The following GPR137C variants were observed in gnomAD, a reference collection of about 807,000 sequenced individuals.
GPR137C encodes the protein integral membrane protein GPR137C.
GPR137C carries 27 observed loss-of-function variants against 43.4 expected under a neutral mutation model. The ratio of observed to expected loss-of-function variants is 0.62; its 90% CI spans 0.46 to 0.86. The LOEUF is 0.86. Among genes scored for constraint, GPR137C ranks in the 40% least tolerant of loss-of-function variants. The pLI is 0.00. For synonymous variants in GPR137C, 285 were observed against 226.9 expected, an observed-to-expected ratio of 1.26 and a Z score of -2.30; for missense variants, 522 against 534.6, an observed-to-expected ratio of 0.98 and a Z score of 0.23.
At chr14:52,555,370 G>C (rs889721416) in intron 1 of GPR137C, among the ~76,000 whole-genome samples, 6 of 152,058 alleles carry the variant, frequency 3.9e-5, no homozygotes, top group African/African-American at 1.4e-4. Context: ...TTTTATATCT[G>C]TATACACCCA....
intron 1 of GPR137C, among the ~76,000 whole-genome samples, chr14:52,564,178 G>A (rs1023398331): frequency 6.6e-6 from 1 of 151,416 alleles, no homozygotes; most frequent in Non-Finnish European, 1.5e-5. Flanking sequence ...GGGAGGCTGA[G>A]GCAGGAGAAT....
intron 3 of GPR137C, among the ~76,000 whole-genome samples, chr14:52,610,602 C>T (rs937415843): frequency 6.6e-6 from 1 of 152,078 alleles, no homozygotes; most frequent in Non-Finnish European, 1.5e-5. Flanking sequence ...TAGTACATAT[C>T]GGGTTTGGTA....
chr14:52,582,963 G>A (rs560365529), intron 1 of GPR137C, among the ~76,000 whole-genome samples: 1 of 152,066 alleles, frequency 6.6e-6, no homozygotes, highest in East Asian at 1.9e-4. Flanking sequence ...GGATCTGCTA[G>A]TCTGTATATG....
intron 1 of GPR137C, among the ~76,000 whole-genome samples, chr14:52,555,068 T>A (rs1388137859): frequency 6.6e-6 from 1 of 152,098 alleles, no homozygotes; most frequent in Non-Finnish European, 1.5e-5. Context: ...ATACTTAAAC[T>A]GATACATTGT....
intron 4 of GPR137C, 106 bp from the exon 5 acceptor site, chr14:52,633,424 G>T: frequency 5.8e-6 from 5 of 864,932 alleles, no homozygotes; most frequent in Non-Finnish European, 3.6e-6. Context: ...TTATGTGCTT[G>T]TAGTTGATAT....
chr14:52,635,340 A>C lies in GPR137C; in HGVS notation c.*225A>C. 2.6e-6 allele frequency: 1 copy of C among 377,640 alleles called. No homozygotes were observed. Among genetic ancestry groups the C allele is most frequent in the Middle Eastern group, 6.7e-4 (1 of 1,500 alleles). The allele number at this position is 377,640 out of a possible 1,614,324, so 23.4% of individuals were successfully genotyped here. A position where few individuals can be genotyped will look rare whatever the true frequency, so the allele number is the denominator to read the frequency against. On this transcript the variant is annotated 3_prime_UTR_variant, in exon 7 of 7. Coordinates refer to ENST00000321662, the MANE Select transcript of GPR137C (RefSeq NM_001099652.2). ...TAGGAGAAAAGAGAGATTAGATCTT[A>C]AGGCACTTGATGGCCTCCAAAAATC...
chr14:52,620,648 A>G (rs1025867498), intron 3 of GPR137C, among the ~76,000 whole-genome samples: 2 of 151,990 alleles, frequency 1.3e-5, no homozygotes, highest in African/African-American at 4.8e-5. Flanking sequence ...TTTATCAGAC[A>G]AAGCATTTAT....
chr14:52,613,774 C>G, intron 3 of GPR137C: 1 of 192,350 alleles, frequency 5.2e-6, no homozygotes, highest in Non-Finnish European at 1.1e-5. Flanking sequence ...AGGTTGCTTG[C>G]AAATCTTGGC....
chr14:52,555,040 A>G (rs1252045464), intron 1 of GPR137C, among the ~76,000 whole-genome samples: 8 of 152,002 alleles, frequency 5.3e-5, no homozygotes, highest in East Asian at 3.9e-4. Context: ...TTAAGCTGTT[A>G]TAACACTTCT....
At chr14:52,626,518 G>A (rs1170649299) in intron 3 of GPR137C, among the ~76,000 whole-genome samples, 11 of 150,918 alleles carry the variant, frequency 7.3e-5, no homozygotes. Context: ...ATCATAAAAG[G>A]CATCTACTAA....
chr14:52,621,616 A>G (rs998382185), intron 3 of GPR137C, among the ~76,000 whole-genome samples: 2 of 151,902 alleles, frequency 1.3e-5, no homozygotes, highest in African/African-American at 4.8e-5. Flanking sequence ...TGTATTATAT[A>G]TAACAACCAT....
intron 3 of GPR137C, among the ~76,000 whole-genome samples, chr14:52,618,421 T>G (rs962203215): frequency 3.3e-5 from 5 of 152,176 alleles, no homozygotes; most frequent in African/African-American, 1.2e-4. Context: ...CCTCACTAAC[T>G]TAGGCAAAGT....
At chr14:52,612,419 T>C (rs2139552099) in intron 3 of GPR137C, 2 of 981,144 alleles carry the variant, frequency 2.0e-6, no homozygotes, top group East Asian at 2.3e-4. Flanking sequence ...TCAGCCTCCA[T>C]AATGTTAATT....
intron 1 of GPR137C, among the ~76,000 whole-genome samples, chr14:52,570,217 C>A (rs1394476931): frequency 5.9e-5 from 9 of 152,142 alleles, no homozygotes; most frequent in Non-Finnish European, 1.2e-4. Context: ...AAAGAATTTT[C>A]AACCCAGAAT....
intron 1 of GPR137C, among the ~76,000 whole-genome samples, chr14:52,562,144 G>C (rs536159536): frequency 6.6e-6 from 1 of 151,634 alleles, no homozygotes; most frequent in Non-Finnish European, 1.5e-5. Flanking sequence ...CAAAGGAGAT[G>C]AATCTTAAGA....
intron 3 of GPR137C, among the ~76,000 whole-genome samples, chr14:52,625,680 G>A (rs182071728): frequency 1.2e-3 from 182 of 150,102 alleles, no homozygotes; most frequent in Middle Eastern, 3.4e-3. Flanking sequence ...TCAGCCTCCC[G>A]AGCAGCTGGG....
chr14:52,558,779 A>G (rs375736288), intron 1 of GPR137C, among the ~76,000 whole-genome samples: 12 of 152,246 alleles, frequency 7.9e-5, no homozygotes, highest in African/African-American at 2.7e-4. Flanking sequence ...AAAAAATTAA[A>G]AACTGAAATG....
At chr14:52,598,976 A>G (rs1054961112) in intron 2 of GPR137C, among the ~76,000 whole-genome samples, 1 of 152,240 alleles carries the variant, frequency 6.6e-6, no homozygotes, top group Non-Finnish European at 1.5e-5. Context: ...TACAGATTGC[A>G]CATTACCTTC....
intron 1 of GPR137C, among the ~76,000 whole-genome samples, chr14:52,590,183 T>C (rs757031107): frequency 2.2e-4 from 33 of 152,078 alleles, no homozygotes; most frequent in Non-Finnish European, 3.7e-4. Context: ...CTAATGGGTG[T>C]ATTTATGTCT....
Sources: gnomAD v4.1 joint callset for allele counts (sites outside exome capture counted in the v4.1 genomes callset) on GRCh38, gnomAD v4.1.1 for gene constraint, MANE v1.5 for transcripts, NCBI Gene and HGNC (gene_info 2026-07-23, HGNC 2026-07-21) for gene names.